Variants in RWDD1 observed in about 807,000 individuals in gnomAD.
The protein encoded by RWDD1 is RWD domain containing 1, also known as RWD domain-containing protein 1.
RWDD1 carries 17 observed loss-of-function variants against 31.6 expected under a neutral mutation model. The observed-to-expected ratio is 0.54, with a 90% CI of 0.37 to 0.81. The LOEUF (loss-of-function observed/expected upper bound fraction) is 0.81. Among genes scored for constraint, RWDD1 ranks in the 30% least tolerant of loss-of-function variants. RWDD1 has a pLI of 0.00. For synonymous variants in RWDD1, 78 were observed against 94.2 expected, an observed-to-expected ratio of 0.83 and a Z score of 0.99; for missense variants, 204 against 274.5, an observed-to-expected ratio of 0.74 and a Z score of 1.82.
In RWDD1 at chr6:116,591,222, G is replaced by A. The variant is rs1775138984; in HGVS notation, c.610+272G>A. On this transcript the variant is annotated intron_variant, in intron 6 of 6. Coordinates refer to ENST00000466444, the MANE Select transcript of RWDD1 (RefSeq NM_015952.4). ...CCAAGGCTGTTAAAAAATACATTTT[G>A]GAGAATAAATTCTAGTGGTTGACTA... 2.0e-5 allele frequency among the ~76,000 whole-genome samples: 3 copies of A among 152,006 alleles called. No individual in the cohort carries two copies. In the South Asian group the frequency reaches 6.2e-4, roughly 32 times the overall value.
At chr6:116,574,687 C>G (rs1244075814) in intron 1 of RWDD1, among the ~76,000 whole-genome samples, 1 of 151,266 alleles carries the variant, frequency 6.6e-6, no homozygotes, top group Non-Finnish European at 1.5e-5. Context: ...TCTCTTCCTT[C>G]CTTCCTTCCT....
chr6:116,592,659 G>A (rs772690338), intron 6 of RWDD1, among the ~76,000 whole-genome samples: 5 of 152,158 alleles, frequency 3.3e-5, no homozygotes, highest in Non-Finnish European at 5.9e-5. Flanking sequence ...CCCATGATCA[G>A]TGATAATCAA....
rs1410777725 is a variant in RWDD1, at chr6:116,595,181, A to G, written c.*2080A>G. 6.6e-6 allele frequency: 1 copy of G among 152,246 alleles called. No homozygotes were observed. The highest frequency in any genetic ancestry group is 1.5e-5 in the Non-Finnish European group (1 of 68,038). 9.4% of individuals were successfully genotyped at this position (152,246 alleles called of 1,614,324 possible). On this transcript the variant is annotated 3_prime_UTR_variant, in exon 7 of 7. Coordinates refer to ENST00000466444, the MANE Select transcript of RWDD1 (RefSeq NM_015952.4). ...TGTTAGCAATGTGGTGCTGAAATCAAGACTTAACTTTGAAGTGTCAAGAAT... is the reference window on the plus strand; with the variant it reads ...TGTTAGCAATGTGGTGCTGAAATCAGGACTTAACTTTGAAGTGTCAAGAAT...
intron 1 of RWDD1, among the ~76,000 whole-genome samples, chr6:116,577,313 A>T (rs1774865217): frequency 6.6e-6 from 1 of 152,006 alleles, no homozygotes; most frequent in African/African-American, 2.4e-5. Context: ...TTATCTCTTG[A>T]GTTTGTTATT....
At chr6:116,587,674 G>A (rs1775069199) in intron 3 of RWDD1, among the ~76,000 whole-genome samples, 3 of 150,476 alleles carry the variant, frequency 2.0e-5, no homozygotes, top group Admixed American at 1.3e-4. Context: ...CTGTGTGTAT[G>A]TGTGTGTGTG....
In RWDD1 at chr6:116,571,653, C is replaced by G. The variant is rs772105705; in HGVS notation, c.71C>G (p.Thr24Arg). The G allele has an allele frequency of 4.3e-6, 7 of 1,611,728 alleles. No homozygotes were observed. In the Admixed American group the frequency reaches 1.2e-4, roughly 27 times the overall value. ...GAGTCCATCTACCCTGACTCCTTCA[C>G]AGGTGACTCCCGCGGCCGCAAGCCT... ...ALESIYPDSF[T>R]VLSENPPSFT... Residue 24 changes from threonine (T) to arginine (R), a missense_variant and splice_region_variant, in exon 1 of 7, where the codon ACA becomes AGA. Transcript: ENST00000466444.
intron 1 of RWDD1, among the ~76,000 whole-genome samples, chr6:116,578,975 A>T (rs1774901983): frequency 1.3e-5 from 2 of 152,162 alleles, no homozygotes; most frequent in Middle Eastern, 3.4e-3. Flanking sequence ...TCCCAGGTTC[A>T]AGTGATTCTT....
chr6:116,590,850 T>C (rs1281893336), intron 5 of RWDD1, 38 bp from the exon 6 acceptor site: 1 of 1,548,416 alleles, frequency 6.5e-7, no homozygotes, highest in Non-Finnish European at 8.6e-7. Flanking sequence ...AGAAAAACTA[T>C]GCCATTTGAA....
At chr6:116,591,559 T>C (rs1044774093) in intron 6 of RWDD1, among the ~76,000 whole-genome samples, 1 of 152,272 alleles carries the variant, frequency 6.6e-6, no homozygotes, top group Admixed American at 6.5e-5. Context: ...TGTGCTTTTC[T>C]TCTACCACCT....
At chr6:116,589,496 A>G (rs1775101476) in intron 4 of RWDD1, among the ~76,000 whole-genome samples, 1 of 152,216 alleles carries the variant, frequency 6.6e-6, no homozygotes, top group Non-Finnish European at 1.5e-5. Context: ...TAAATCCCCT[A>G]TACTACAGTG....
At chr6:116,575,789 T>G (rs1271329185) in intron 1 of RWDD1, among the ~76,000 whole-genome samples, 1 of 152,216 alleles carries the variant, frequency 6.6e-6, no homozygotes, top group Non-Finnish European at 1.5e-5. Flanking sequence ...TAAGATGTAG[T>G]CTTACACTCG....
In RWDD1 at chr6:116,593,208, G is replaced by A; in HGVS notation, c.*107G>A. On this transcript the variant is annotated 3_prime_UTR_variant, in exon 7 of 7. Coordinates refer to ENST00000466444, the MANE Select transcript of RWDD1 (RefSeq NM_015952.4). The stretch of plus-strand genomic sequence containing the variant: ...TTTTCTAAGAAAAAATTATTTTCAG[G>A]AGAATATTCTTCTGATAGCTTTCAT... 2 of 1,098,696 alleles carry A rather than the reference G, an allele frequency of 1.8e-6. No homozygotes were observed. Among genetic ancestry groups the A allele is most frequent in the Non-Finnish European group, 1.2e-6 (1 of 801,936 alleles). The allele number at this position is 1,098,696 out of a possible 1,614,324, so 68.1% of individuals were successfully genotyped here.
In RWDD1 at chr6:116,571,755, G is replaced by A. The variant is rs570879031; in HGVS notation, c.73+100G>A. ...CCTCATAGGTTGGGGTGGAGAAGGGGACCTTGAGGCCGCGCGGCCACCTTG... is the reference window on the plus strand; with the variant it reads ...CCTCATAGGTTGGGGTGGAGAAGGGAACCTTGAGGCCGCGCGGCCACCTTG... On this transcript the variant is annotated intron_variant, in intron 1 of 6. Transcript: ENST00000466444. 1.6e-3 allele frequency: 1,623 copies of A among 1,042,232 alleles called. 1 individual carries two copies. The highest frequency in any genetic ancestry group is 1.9e-3 in the Non-Finnish European group (1,383 of 738,540). 64.6% of individuals were successfully genotyped at this position (1,042,232 alleles called of 1,614,324 possible). A position where few individuals can be genotyped will look rare whatever the true frequency, so the allele number is the denominator to read the frequency against.
In RWDD1 at chr6:116,571,536, C is replaced by T. The variant is rs1192207336; in HGVS notation, c.-47C>T. On this transcript the variant is annotated 5_prime_UTR_variant, in exon 1 of 7. Coordinates refer to ENST00000466444, the MANE Select transcript of RWDD1 (RefSeq NM_015952.4). ...CGCGGCAGCTGTCTGGGCTGCTGCGCGCCGCCTAGGTGTCTGGGCGATCTA... is the reference window on the plus strand; with the variant it reads ...CGCGGCAGCTGTCTGGGCTGCTGCGTGCCGCCTAGGTGTCTGGGCGATCTA... 2 of 1,582,596 alleles carry T rather than the reference C, an allele frequency of 1.3e-6. No individual in the cohort carries two copies. Among genetic ancestry groups the T allele is most frequent in the East Asian group, 2.3e-5 (1 of 43,742 alleles).
At chr6:116,574,749 CCCCTCCCCTT>C (rs1306030649) in intron 1 of RWDD1, among the ~76,000 whole-genome samples, 7 of 145,808 alleles carry the variant, frequency 4.8e-5, no homozygotes, top group Admixed American at 4.1e-4. Flanking sequence ...CCTTCCACCT[CCCCTCCCCTT>C]CCCTCCCCTC....
rs1339087527 is a variant in RWDD1, at chr6:116,595,113, G to A, written c.*2012G>A. On this transcript the variant is annotated 3_prime_UTR_variant, in exon 7 of 7. Coordinates refer to ENST00000466444, the MANE Select transcript of RWDD1 (RefSeq NM_015952.4). ...CTGATCAGCAGATACATAAGAACCT[G>A]GAAGAAGCTGCTCAATTAAGGTTAA... The A allele has an allele frequency of 2.0e-5, 3 of 152,116 alleles. No individual in the cohort carries two copies. Among genetic ancestry groups the A allele is most frequent in the Admixed American group, 6.5e-5 (1 of 15,270 alleles). 9.4% of individuals were successfully genotyped at this position (152,116 alleles called of 1,614,324 possible).
At position 116,584,797 on chromosome 6, in the gene RWDD1, C is replaced by A; in HGVS notation, c.210C>A (p.Phe70Leu). 1.2e-6 allele frequency: 2 copies of A among 1,601,228 alleles called. No homozygotes were observed. The highest frequency in any genetic ancestry group is 1.7e-6 in the Non-Finnish European group (2 of 1,168,600). ...ATGAAGCTCCCCTTTATGAAATATTCTCCCAGGAAAATCTAGAAGATAATG... is the reference window on the plus strand; with the variant it reads ...ATGAAGCTCCCCTTTATGAAATATTATCCCAGGAAAATCTAGAAGATAATG... Reference protein sequence around the residue: ...YPDEAPLYEIFSQENLEDNDV... With the variant: ...YPDEAPLYEILSQENLEDNDV... Residue 70 changes from phenylalanine (F) to leucine (L), a missense_variant, in exon 3 of 7, where the codon TTC becomes TTA. Phe to Leu is a conservative substitution (Grantham distance 22). Coordinates refer to ENST00000466444, the MANE Select transcript of RWDD1 (RefSeq NM_015952.4).
At chr6:116,586,941 A>C (rs1217570246) in intron 3 of RWDD1, among the ~76,000 whole-genome samples, 1 of 152,226 alleles carries the variant, frequency 6.6e-6, no homozygotes, top group African/African-American at 2.4e-5. Context: ...AATGATGACA[A>C]GGTGAAAATG....
chr6:116,571,758 C>T (rs1562374005), intron 1 of RWDD1, 103 bp downstream of exon 1: 1 of 968,534 alleles, frequency 1.0e-6, no homozygotes, highest in East Asian at 3.0e-5. Context: ...AGAAGGGGAC[C>T]TTGAGGCCGC....
Sources: gnomAD v4.1 joint callset for allele counts (sites outside exome capture counted in the v4.1 genomes callset) on GRCh38, gnomAD v4.1.1 for gene constraint, MANE v1.5 for transcripts, NCBI Gene and HGNC (gene_info 2026-07-23, HGNC 2026-07-21) for gene names.